Variants in SCAPER observed in about 807,000 individuals in gnomAD.
The protein encoded by SCAPER is S-phase cyclin A associated protein in the ER.
Under a neutral mutation model 182.2 loss-of-function variants are expected in SCAPER, and 98 were observed. The ratio of observed to expected loss-of-function variants is 0.54; its 90% confidence interval spans 0.46 to 0.64. The LOEUF is 0.64. SCAPER is among the 30% of genes least tolerant of loss of function. The pLI, the probability that SCAPER is intolerant of heterozygous loss-of-function variation, is 0.00. For missense variants in SCAPER, 1,432 were observed against 1,690.0 expected (o/e 0.85, Z 2.68); for synonymous variants, 605 against 564.6 (o/e 1.07, Z -1.01).
At chr15:76,413,311 TAAAGGA>T (rs2045423189) in intron 26 of SCAPER, among the ~76,000 whole-genome samples, 1 of 152,210 alleles carries the variant, frequency 6.6e-6, no homozygotes, top group South Asian at 2.1e-4. Context: ...TTCCTAATCT[TAAAGGA>T]AAAGTGTTTA....
At chr15:76,845,079 AAATC>A (rs1299696458) in intron 4 of SCAPER, among the ~76,000 whole-genome samples, 4 of 152,332 alleles carry the variant, frequency 2.6e-5, no homozygotes, top group Non-Finnish European at 5.9e-5. Context: ...AACAATATGC[AAATC>A]AATCAATGTG....
At chr15:76,843,798 TA>T (rs918872436) in intron 4 of SCAPER, among the ~76,000 whole-genome samples, 2,353 of 146,898 alleles carry the variant, frequency 0.016, 59 homozygotes, top group African/African-American at 0.055. Context: ...AAGCTCTCTT[TA>T]AAAAAAAAAA....
At chr15:76,644,714 C>T (rs995292693) in intron 21 of SCAPER, among the ~76,000 whole-genome samples, 25 of 152,108 alleles carry the variant, frequency 1.6e-4, no homozygotes, top group African/African-American at 5.8e-4. Flanking sequence ...TGAGCACAGT[C>T]CTACTTTAAA....
chr15:76,574,300 A>G lies in SCAPER; in HGVS notation c.2712-16T>C. The G allele has an allele frequency of 1.2e-6, 2 of 1,608,068 alleles. No individual in the cohort carries two copies. Among genetic ancestry groups the G allele is most frequent in the Non-Finnish European group, 1.7e-6 (2 of 1,177,030 alleles). On this transcript the variant is annotated splice_polypyrimidine_tract_variant and intron_variant, in intron 22 of 31. Transcript: ENST00000563290. ...TCGCTGAAGCCTTTAATACCAAATG[A>G]AAGGAAAGAATGACATTAATGAAAC... is the stretch of plus-strand genomic sequence containing the variant.
At chr15:76,762,387 G>A (rs1294026398) in intron 14 of SCAPER, among the ~76,000 whole-genome samples, 1 of 117,466 alleles carries the variant, frequency 8.5e-6, no homozygotes, top group African/African-American at 2.9e-5. Flanking sequence ...TTTTTCTAAT[G>A]GTTTGGTTTG....
At chr15:76,719,346 T>C (rs958536726) in intron 17 of SCAPER, among the ~76,000 whole-genome samples, 1 of 152,204 alleles carries the variant, frequency 6.6e-6, no homozygotes, top group Middle Eastern at 3.4e-3. Context: ...AATTCAATTA[T>C]ACAGAGATAG....
chr15:76,644,903 CA>C (rs966735511), intron 21 of SCAPER, among the ~76,000 whole-genome samples: 1 of 151,832 alleles, frequency 6.6e-6, no homozygotes, highest in Non-Finnish European at 1.5e-5. Flanking sequence ...TCTCTGTGCA[CA>C]ATGTGAATTT....
intron 29 of SCAPER, among the ~76,000 whole-genome samples, chr15:76,370,949 C>T (rs946899899): frequency 3.9e-5 from 6 of 152,126 alleles, no homozygotes; most frequent in South Asian, 2.1e-4. Context: ...TTGGTGAACC[C>T]GCATCATCTT....
Position 76,348,486 on chromosome 15 carries a change from TATAA to T in SCAPER, c.*143_*146del. The T allele has an allele frequency of 2.0e-6, 1 of 510,850 alleles. No homozygotes were observed. Among genetic ancestry groups the T allele is most frequent in the Non-Finnish European group, 3.5e-6 (1 of 288,312 alleles). The allele number at this position is 510,850 out of a possible 1,614,324, so 31.6% of individuals were successfully genotyped here. On this transcript the variant is annotated 3_prime_UTR_variant, in exon 32 of 32. Transcript: ENST00000563290. The stretch of plus-strand genomic sequence containing the variant: ...AGAACATTCAAGTATCTACAGTCAT[TATAA>T]ATAGTGTAAAGTACATGCCATATCT...
intron 20 of SCAPER, among the ~76,000 whole-genome samples, chr15:76,692,696 G>GAAAAAAAAAA (rs71143354): frequency 1.6e-4 from 16 of 98,784 alleles, no homozygotes; most frequent in East Asian, 5.5e-4. Flanking sequence ...TTCAAAAAAA[G>GAAAAAAAAAA]AAAAAAAAAA....
At chr15:76,558,666 T>C (rs1164879007) in intron 23 of SCAPER, among the ~76,000 whole-genome samples, 3 of 152,190 alleles carry the variant, frequency 2.0e-5, no homozygotes, top group African/African-American at 7.2e-5. Context: ...AATCCCATTA[T>C]TGGGTGTATT....
chr15:76,567,357 G>A, intron 23 of SCAPER: 1 of 454,448 alleles, frequency 2.2e-6, no homozygotes, highest in Non-Finnish European at 4.4e-6. Context: ...GAACATTTGT[G>A]TATATCTTGC....
At chr15:76,662,612 A>G (rs1421481877) in intron 21 of SCAPER, among the ~76,000 whole-genome samples, 1 of 152,188 alleles carries the variant, frequency 6.6e-6, no homozygotes, top group African/African-American at 2.4e-5. Context: ...ATTTTTATCA[A>G]GGTTTCAAAA....
intron 23 of SCAPER, among the ~76,000 whole-genome samples, chr15:76,554,460 T>A (rs1441787714): frequency 1.3e-5 from 2 of 152,040 alleles, no homozygotes; most frequent in Non-Finnish European, 2.9e-5. Flanking sequence ...AGGAATAAAA[T>A]TAAAATTCAG....
At chr15:76,851,112 A>T (rs1370501685) in intron 4 of SCAPER, among the ~76,000 whole-genome samples, 1 of 152,258 alleles carries the variant, frequency 6.6e-6, no homozygotes, top group East Asian at 1.9e-4. Flanking sequence ...TCAGAACTTG[A>T]AGGCTGGCTT....
At chr15:76,443,366 C>T (rs907834053) in intron 25 of SCAPER, among the ~76,000 whole-genome samples, 5 of 152,158 alleles carry the variant, frequency 3.3e-5, no homozygotes, top group Admixed American at 6.5e-5. Context: ...AAGAGCAAGA[C>T]GAATTCTGCT....
chr15:76,668,074 C>T (rs904920156), intron 20 of SCAPER, among the ~76,000 whole-genome samples: 1 of 152,146 alleles, frequency 6.6e-6, no homozygotes, highest in African/African-American at 2.4e-5. Context: ...TCTTTATATA[C>T]ATCAAATTGT....
chr15:76,867,658 C>T (rs940178036), intron 2 of SCAPER, among the ~76,000 whole-genome samples: 2 of 152,114 alleles, frequency 1.3e-5, no homozygotes, highest in African/African-American at 4.8e-5. Flanking sequence ...CAAGTCTTAC[C>T]GAGTCTATCT....
intron 23 of SCAPER, among the ~76,000 whole-genome samples, chr15:76,554,305 C>T (rs117301432): frequency 6.6e-6 from 1 of 152,222 alleles, no homozygotes; most frequent in Non-Finnish European, 1.5e-5. Context: ...AGAGAATGAA[C>T]AAAACCTCTG....
Sources: allele counts gnomAD v4.1 joint callset (sites outside exome capture counted in the v4.1 genomes callset), GRCh38; gene constraint gnomAD v4.1.1; transcripts MANE v1.5; gene names NCBI Gene and HGNC (gene_info 2026-07-23, HGNC 2026-07-21).